Variants in PLXDC2 observed in about 807,000 individuals in gnomAD.
PLXDC2 encodes plexin domain-containing protein 2.
PLXDC2 carries 40 observed loss-of-function variants against 68.9 expected under a neutral mutation model. The ratio of observed to expected loss-of-function variants is 0.58; its 90% confidence interval spans 0.45 to 0.76. The LOEUF (loss-of-function observed/expected upper bound fraction) is 0.76, where lower values mean the gene tolerates loss of function less well. PLXDC2 is among the 30% of genes least tolerant of loss of function. PLXDC2 has a pLI of 0.00. For missense variants in PLXDC2, 644 were observed against 661.9 expected, an observed-to-expected ratio of 0.97 and a Z score of 0.30; for synonymous variants, 243 against 234.2, an observed-to-expected ratio of 1.04 and a Z score of -0.34.
At chr10:20,129,440 C>T (rs1352785429) in intron 4 of PLXDC2, among the ~76,000 whole-genome samples, 1 of 151,618 alleles carries the variant, frequency 6.6e-6, no homozygotes, top group Non-Finnish European at 1.5e-5. Flanking sequence ...CTCTGTTGAT[C>T]GTTTTCTTTA....
intron 1 of PLXDC2, among the ~76,000 whole-genome samples, chr10:19,977,863 A>G (rs1834485306): frequency 6.6e-6 from 1 of 152,180 alleles, no homozygotes; most frequent in South Asian, 2.1e-4. Context: ...ACACCTCCAA[A>G]TATCACCCAG....
chr10:19,918,732 C>T (rs930438528), intron 1 of PLXDC2, among the ~76,000 whole-genome samples: 38 of 152,072 alleles, frequency 2.5e-4, no homozygotes, highest in African/African-American at 8.9e-4. Context: ...AGACTCTTGA[C>T]GAACATAAGT....
intron 4 of PLXDC2, among the ~76,000 whole-genome samples, chr10:20,119,705 G>A (rs1833670706): frequency 6.6e-6 from 1 of 152,088 alleles, no homozygotes; most frequent in Admixed American, 6.6e-5. Flanking sequence ...AATGGGCGAT[G>A]TTTCTCAGGG....
chr10:20,148,452 A>G (rs567170576), intron 6 of PLXDC2, among the ~76,000 whole-genome samples: 3 of 152,316 alleles, frequency 2.0e-5, no homozygotes, highest in Admixed American at 1.3e-4. Context: ...GTGACAGAAA[A>G]AACAAGGAAA....
intron 2 of PLXDC2, chr10:20,043,178 A>AATTTAAT (rs1835714444): frequency 6.6e-6 from 1 of 152,162 alleles, no homozygotes; most frequent in African/African-American, 2.4e-5. Flanking sequence ...ACCTCTCTGG[A>AATTTAAT]ATTTAATAAT....
intron 9 of PLXDC2, among the ~76,000 whole-genome samples, chr10:20,185,801 A>G (rs1458967322): frequency 6.6e-6 from 1 of 151,938 alleles, no homozygotes; most frequent in Non-Finnish European, 1.5e-5. Flanking sequence ...AATGAAAGCT[A>G]TGTAGGAAAT....
At chr10:19,860,300 G>A (rs575891156) in intron 1 of PLXDC2, among the ~76,000 whole-genome samples, 1 of 152,260 alleles carries the variant, frequency 6.6e-6, no homozygotes, top group East Asian at 1.9e-4. Context: ...AATGAGTTAA[G>A]AGCAAACAAA....
At chr10:20,083,047 G>A (rs959914990) in intron 4 of PLXDC2, among the ~76,000 whole-genome samples, 1 of 152,136 alleles carries the variant, frequency 6.6e-6, no homozygotes, top group Non-Finnish European at 1.5e-5. Context: ...ATGCTTCCAA[G>A]TGAGCAGAAA....
intron 6 of PLXDC2, among the ~76,000 whole-genome samples, chr10:20,156,058 T>C (rs1254404354): frequency 6.6e-6 from 1 of 152,010 alleles, no homozygotes; most frequent in African/African-American, 2.4e-5. Flanking sequence ...TTTTTGTGTC[T>C]CCCCCAAACC....
intron 1 of PLXDC2, among the ~76,000 whole-genome samples, chr10:19,826,205 A>G (rs758243849): frequency 1.3e-5 from 2 of 152,180 alleles, no homozygotes; most frequent in Non-Finnish European, 2.9e-5. Context: ...CCGTAGTTTT[A>G]TGTTTAAGAT....
In PLXDC2 at chr10:20,042,639, G is replaced by A. The variant is rs141845233; in HGVS notation, c.325-4230G>A. 2.2e-3 allele frequency among the ~76,000 whole-genome samples: 341 copies of A among 152,158 alleles called. 4 individuals carry two copies. Among genetic ancestry groups the A allele is most frequent in the African/African-American group, 7.3e-3 (305 of 41,500 alleles). On this transcript the variant is annotated intron_variant, in intron 2 of 13. Coordinates refer to ENST00000377252, the MANE Select transcript of PLXDC2 (RefSeq NM_032812.9). ...GAGTTCTAAATGAAATGAAGCTGGAGTTCAAATATCATTACTGCATGAGGC... is the reference window on the plus strand; with the variant it reads ...GAGTTCTAAATGAAATGAAGCTGGAATTCAAATATCATTACTGCATGAGGC...
At chr10:19,941,893 T>A (rs1833825156) in intron 1 of PLXDC2, among the ~76,000 whole-genome samples, 1 of 152,188 alleles carries the variant, frequency 6.6e-6, no homozygotes, top group Admixed American at 6.5e-5. Flanking sequence ...ATTTTTTAAT[T>A]TTTTTCATAA....
intron 1 of PLXDC2, among the ~76,000 whole-genome samples, chr10:19,950,619 A>G (rs1461960595): frequency 6.6e-6 from 1 of 152,246 alleles, no homozygotes; most frequent in Non-Finnish European, 1.5e-5. Context: ...GAAACTACCA[A>G]TGACATTTTT....
chr10:20,279,669 C>G (rs182602654), intron 13 of PLXDC2, 34 bp from the exon 14 acceptor site: 3 of 1,552,512 alleles, frequency 1.9e-6, no homozygotes, highest in African/African-American at 1.4e-5. Context: ...CTTACCCTGA[C>G]GCACATTTTT....
At chr10:19,983,810 C>T (rs755562745) in intron 1 of PLXDC2, among the ~76,000 whole-genome samples, 103 of 152,262 alleles carry the variant, frequency 6.8e-4, no homozygotes, top group Non-Finnish European at 1.1e-3. Flanking sequence ...CACCTTGGAC[C>T]TCCCGAGTCA....
rs963751223 is a variant in PLXDC2 at position 20,288,346 on chromosome 10, T to C, written c.*8527T>C. The stretch of plus-strand genomic sequence containing the variant: ...ATTTATTCCAGTCCTCTGGGCATCA[T>C]TCCTATTTCTTCTGCCATGTCAAGG... On this transcript the variant is annotated 3_prime_UTR_variant, in exon 14 of 14. Coordinates refer to ENST00000377252, the MANE Select transcript of PLXDC2 (RefSeq NM_032812.9). 6.6e-6 allele frequency: 1 copy of C among 152,080 alleles called. No individual in the cohort carries two copies. The highest frequency in any genetic ancestry group is 2.4e-5 in the African/African-American group (1 of 41,386). 9.4% of individuals were successfully genotyped at this position (152,080 alleles called of 1,614,324 possible).
At chr10:19,983,154 T>C (rs1834580021) in intron 1 of PLXDC2, among the ~76,000 whole-genome samples, 2 of 152,166 alleles carry the variant, frequency 1.3e-5, no homozygotes, top group Admixed American at 1.3e-4. Flanking sequence ...GAGAAAATTC[T>C]AAATCTTTAG....
At chr10:19,820,478 A>G (rs1836443269) in intron 1 of PLXDC2, among the ~76,000 whole-genome samples, 1 of 151,430 alleles carries the variant, frequency 6.6e-6, no homozygotes, top group South Asian at 2.1e-4. Flanking sequence ...AAAAATACAA[A>G]AAAAAATTAG....
intron 2 of PLXDC2, 56 bp downstream of exon 2, chr10:20,002,042 G>A (rs186989761): frequency 2.9e-5 from 44 of 1,526,244 alleles, no homozygotes; most frequent in Admixed American, 5.8e-5. Flanking sequence ...TCATGTAGGT[G>A]CCCAACTTTT....
Sources: allele counts gnomAD v4.1 joint callset (sites outside exome capture counted in the v4.1 genomes callset), GRCh38; gene constraint gnomAD v4.1.1; transcripts MANE v1.5; gene names NCBI Gene and HGNC (gene_info 2026-07-23, HGNC 2026-07-21).